Variants in MYO7A observed in about 807,000 individuals in gnomAD.
MYO7A encodes the protein unconventional myosin-VIIa.
Under a neutral mutation model 263.8 loss-of-function variants are expected in MYO7A, and 210 were observed. The ratio of observed to expected loss-of-function variants is 0.80; its 90% CI spans 0.71 to 0.89. MYO7A has a LOEUF of 0.89. MYO7A is among the 40% of genes least tolerant of loss of function. The pLI is 0.00. For synonymous variants in MYO7A, 1,239 were observed against 1,197.3 expected (o/e 1.03, Z -0.72); for missense variants, 2,820 against 2,968.3 (o/e 0.95, Z 1.16).
chr11:77,201,553 A>T lies in MYO7A; in HGVS notation c.4958A>T (p.Asn1653Ile). The change falls in exon 36 of 49, where the codon AAT becomes ATT. Residue 1653 changes from asparagine to isoleucine, a missense_variant. Coordinates refer to ENST00000409709, the MANE Select transcript of MYO7A (RefSeq NM_000260.4). ...AACTCGGGCTGGGCCAACGGCATCAATGAGAGGACCAAGCAGCGTGGGGAC... is the reference window on the plus strand; with the variant it reads ...AACTCGGGCTGGGCCAACGGCATCATTGAGAGGACCAAGCAGCGTGGGGAC... The part of the protein sequence containing the change: ...VMNSGWANGI[N>I]ERTKQRGDFP... 4 of 1,613,902 alleles carry T rather than the reference A, an allele frequency of 2.5e-6. No homozygotes were observed. Among genetic ancestry groups the T allele is most frequent in the Non-Finnish European group, 2.5e-6 (3 of 1,179,882 alleles).
chr11:77,183,714 C>T (rs895628241), intron 26 of MYO7A, among the ~76,000 whole-genome samples: 1 of 152,068 alleles, frequency 6.6e-6, no homozygotes, highest in Non-Finnish European at 1.5e-5. Context: ...CCCATCCCCA[C>T]ATTTGCACAT....
In MYO7A at chr11:77,202,742, G is replaced by A. The variant is rs12273871; in HGVS notation, c.5168+318G>A. Among the ~76,000 whole-genome samples, 9,114 of 151,800 alleles carry A rather than the reference G, an allele frequency of 0.06. 946 individuals are homozygous for A. The highest frequency in any genetic ancestry group is 0.21 in the African/African-American group (8,560 of 41,362). ...ACTGTGATGAGGATGCTTCTGGGGC[G>A]GGGGGTGGGGGGCAGTGAGAAGCTT... On this transcript the variant is annotated intron_variant, in intron 37 of 48. Transcript: ENST00000409709.
intron 27 of MYO7A, among the ~76,000 whole-genome samples, chr11:77,188,590 T>A (rs1298590647): frequency 6.6e-6 from 1 of 151,532 alleles, no homozygotes; most frequent in Non-Finnish European, 1.5e-5. Flanking sequence ...GGCTGCAGTC[T>A]TAGAGTACTC....
chr11:77,182,023 G>A lies in MYO7A; in HGVS notation c.2977G>A (p.Glu993Lys). The A allele has an allele frequency of 6.2e-7, 1 of 1,613,460 alleles. No homozygotes were observed. Among genetic ancestry groups the A allele is most frequent in the Middle Eastern group, 1.6e-4 (1 of 6,062 alleles). The change falls in exon 24 of 49, where the codon GAG (glutamate) becomes AAG (lysine). Residue 993 changes from glutamate (E) to lysine (K), a missense_variant. Glu to Lys is a moderately conservative substitution (Grantham distance 56, BLOSUM62 1). Transcript: ENST00000409709. ...AGCCCTGCCCCTGCCTGACGAGGAT[G>A]AGGAGGACCTCTCTGAGTATAAATT... ...DAALPLPDED[E>K]EDLSEYKFAK...
At chr11:77,206,276 C>A in intron 41 of MYO7A, 74 bp downstream of exon 41, 1 of 1,136,682 alleles carries the variant, frequency 8.8e-7, no homozygotes, top group Non-Finnish European at 1.3e-6. Flanking sequence ...CCAAAGGTGG[C>A]CTTAAGCCTC....
At chr11:77,201,329 G>A (rs765814886) in intron 35 of MYO7A, 119 bp from the exon 36 acceptor site, 6 of 989,694 alleles carry the variant, frequency 6.1e-6, no homozygotes, top group Non-Finnish European at 9.1e-6. Context: ...GTTGTGACAA[G>A]GTGGAGGCAG....
Position 77,190,686 on chromosome 11 carries a change from G to T in MYO7A, c.3751-11G>T. The T allele has an allele frequency of 6.3e-7, 1 of 1,579,488 alleles. No individual in the cohort carries two copies. Among genetic ancestry groups the T allele is most frequent in the East Asian group, 2.3e-5 (1 of 43,164 alleles). ...GAAGGGACCCCACAAACCCTCTTGG[G>T]GCACTTCCAGGCCACCAAGTCCAAG... On this transcript the variant is annotated splice_polypyrimidine_tract_variant and intron_variant, in intron 29 of 48. Transcript: ENST00000409709.
intron 38 of MYO7A, 48 bp from the exon 39 acceptor site, chr11:77,204,028 G>A: frequency 6.5e-7 from 1 of 1,542,442 alleles, no homozygotes; most frequent in Non-Finnish European, 8.8e-7. Flanking sequence ...CGGACCCCAG[G>A]CCAGTGCTCC....
chr11:77,183,065 C>T lies in MYO7A; in HGVS notation c.3286-3C>T. On this transcript the variant is annotated splice_region_variant and splice_polypyrimidine_tract_variant and intron_variant, in intron 25 of 48. Coordinates refer to ENST00000409709, the MANE Select transcript of MYO7A (RefSeq NM_000260.4). Reference sequence around the variant, plus strand: ...TTGACCCTGATCCCTGCTGGTCCTGCAGGCCCAGCTCCCCGAGGGCCAGAA... The same window carrying T: ...TTGACCCTGATCCCTGCTGGTCCTGTAGGCCCAGCTCCCCGAGGGCCAGAA... The T allele has an allele frequency of 6.4e-7, 1 of 1,551,016 alleles. No homozygotes were observed. Among genetic ancestry groups the T allele is most frequent in the Non-Finnish European group, 8.7e-7 (1 of 1,146,948 alleles).
chr11:77,132,184 A>C (rs1950784573), intron 2 of MYO7A, among the ~76,000 whole-genome samples: 1 of 151,756 alleles, frequency 6.6e-6, no homozygotes, highest in Non-Finnish European at 1.5e-5. Flanking sequence ...CTCAGGCTTC[A>C]GTGTAGCCTC....
At position 77,190,681 on chromosome 11, in the gene MYO7A, C is replaced by T. The variant is rs575956988; in HGVS notation, c.3751-16C>T. The stretch of plus-strand genomic sequence containing the variant: ...GAAGGGAAGGGACCCCACAAACCCT[C>T]TTGGGGCACTTCCAGGCCACCAAGT... On this transcript the variant is annotated splice_polypyrimidine_tract_variant and intron_variant, in intron 29 of 48. Transcript: ENST00000409709. 1 of 1,576,718 alleles carries T rather than the reference C, an allele frequency of 6.3e-7. No individual in the cohort carries two copies. The highest frequency in any genetic ancestry group is 1.3e-5 in the African/African-American group (1 of 74,160).
chr11:77,155,027 C>G (rs1452768474), intron 4 of MYO7A, among the ~76,000 whole-genome samples: 1 of 152,284 alleles, frequency 6.6e-6, no homozygotes, highest in African/African-American at 2.4e-5. Flanking sequence ...TTCAGCCTCT[C>G]CAGGCCCCGG....
intron 15 of MYO7A, among the ~76,000 whole-genome samples, chr11:77,167,607 C>G (rs1953674915): frequency 6.6e-6 from 1 of 152,162 alleles, no homozygotes; most frequent in East Asian, 1.9e-4. Context: ...CCCAAAGGTG[C>G]TGGGTACCCC....
chr11:77,187,641 G>A lies in MYO7A; in HGVS notation c.3504-1703G>A, dbSNP rs145300395. ...TTACCCAGGTCCCTGGGGTTTTGGG[G>A]AGTTGAAGGGAAGACCCAGGAGTCA... On this transcript the variant is annotated intron_variant, in intron 27 of 48. Coordinates refer to ENST00000409709, the MANE Select transcript of MYO7A (RefSeq NM_000260.4). Among the ~76,000 whole-genome samples, 442 of 152,314 alleles carry A rather than the reference G, an allele frequency of 2.9e-3. 5 individuals carry two copies. Among genetic ancestry groups the A allele is most frequent in the Admixed American group, 0.026 (393 of 15,302 alleles).
chr11:77,169,177 C>T (rs143029769), intron 15 of MYO7A, among the ~76,000 whole-genome samples: 3 of 152,332 alleles, frequency 2.0e-5, no homozygotes, highest in East Asian at 3.9e-4. Context: ...TGGAAGCCCA[C>T]GCCACCTCTT....
At chr11:77,152,597 C>T (rs538074745) in intron 4 of MYO7A, among the ~76,000 whole-genome samples, 1 of 152,022 alleles carries the variant, frequency 6.6e-6, no homozygotes, top group East Asian at 1.9e-4. Flanking sequence ...AGAAAGATGT[C>T]CAGGGGAGGT....
At position 77,191,933 on chromosome 11, in the gene MYO7A, G is replaced by A. The variant is rs577925853; in HGVS notation, c.3925-118G>A. 1.1e-4 allele frequency: 91 copies of A among 847,404 alleles called. No homozygotes were observed. In the African/African-American group the frequency reaches 1.2e-3, roughly 11 times the overall value. 52.5% of individuals were successfully genotyped at this position (847,404 alleles called of 1,614,324 possible). ...GGTCTGCCTCCTGGGGGCCTTGGAC[G>A]TGTCCCTGCCCCTCGCTGGGCCTCC... On this transcript the variant is annotated intron_variant, in intron 30 of 48. Transcript: ENST00000409709.
chr11:77,190,639 G>C, intron 29 of MYO7A, 58 bp from the exon 30 acceptor site: 1 of 1,528,616 alleles, frequency 6.5e-7, no homozygotes, highest in South Asian at 1.2e-5. Flanking sequence ...CCAAAGTCCA[G>C]AGGGGCAGGC....
chr11:77,206,271 G>T, intron 41 of MYO7A, 69 bp downstream of exon 41: 7 of 1,271,858 alleles, frequency 5.5e-6, no homozygotes, highest in Non-Finnish European at 7.7e-6. Flanking sequence ...GGACACCAAA[G>T]GTGGCCTTAA....
Sources: gnomAD v4.1 joint callset for allele counts (sites outside exome capture counted in the v4.1 genomes callset) on GRCh38, gnomAD v4.1.1 for gene constraint, MANE v1.5 for transcripts, NCBI Gene and HGNC (gene_info 2026-07-23, HGNC 2026-07-21) for gene names.